Variants in SDK1 observed in about 807,000 individuals in gnomAD.
SDK1 encodes the protein sidekick cell adhesion molecule 1.
In SDK1, 157 loss-of-function variants were observed where a neutral mutation model predicts 245.5. The ratio of observed to expected loss-of-function variants is 0.64; its 90% CI spans 0.56 to 0.73. The LOEUF (loss-of-function observed/expected upper bound fraction) is 0.73. Ranked by LOEUF, SDK1 falls within the 30% of genes least tolerant of loss-of-function variation. The pLI is 0.00. For missense variants in SDK1, 3,583 were observed against 3,002.3 expected, an observed-to-expected ratio of 1.19 and a Z score of -4.52; for synonymous variants, 1,647 against 1,278.5, an observed-to-expected ratio of 1.29 and a Z score of -6.15.
chr7:4,066,460 C>G (rs1488644139), intron 19 of SDK1, among the ~76,000 whole-genome samples: 2 of 152,180 alleles, frequency 1.3e-5, no homozygotes, highest in Non-Finnish European at 2.9e-5. Context: ...TCGTAAGACG[C>G]CAGCCTCCCC....
intron 2 of SDK1, among the ~76,000 whole-genome samples, chr7:3,628,516 C>T (rs1217617436): frequency 6.6e-6 from 1 of 152,052 alleles, no homozygotes; most frequent in Non-Finnish European, 1.5e-5. Flanking sequence ...TTTGACTCTT[C>T]TTTGGGGCTA....
At chr7:3,899,307 C>T (rs1272995219) in intron 5 of SDK1, among the ~76,000 whole-genome samples, 1 of 152,214 alleles carries the variant, frequency 6.6e-6, no homozygotes, top group Admixed American at 6.5e-5. Context: ...CCTTGCCCCT[C>T]CTTGGCTTGG....
intron 20 of SDK1, among the ~76,000 whole-genome samples, chr7:4,074,886 G>GTAAA (rs1554332418): frequency 2.1e-5 from 1 of 48,124 alleles, no homozygotes. Context: ...CTCTCTCTCT[G>GTAAA]TATATATATA....
chr7:3,968,518 G>A (rs915613202), intron 10 of SDK1, among the ~76,000 whole-genome samples: 2 of 152,196 alleles, frequency 1.3e-5, no homozygotes, highest in South Asian at 2.1e-4. Flanking sequence ...GGACACTACA[G>A]ATCAATAACA....
At chr7:3,759,691 A>AG (rs1780037220) in intron 4 of SDK1, among the ~76,000 whole-genome samples, 2 of 151,842 alleles carry the variant, frequency 1.3e-5, no homozygotes, top group Admixed American at 1.3e-4. Flanking sequence ...TCCCGGGTTC[A>AG]GGCGATTCTT....
intron 4 of SDK1, among the ~76,000 whole-genome samples, chr7:3,696,496 C>T (rs1784574895): frequency 6.6e-6 from 1 of 151,978 alleles, no homozygotes; most frequent in African/African-American, 2.4e-5. Flanking sequence ...CTCATCTGAG[C>T]CCAGGATTTG....
intron 1 of SDK1, among the ~76,000 whole-genome samples, chr7:3,378,831 G>A (rs1193944109): frequency 6.6e-6 from 1 of 151,860 alleles, no homozygotes; most frequent in Non-Finnish European, 1.5e-5. Context: ...CGGCGGGGTG[G>A]GCTTCTGCTC....
rs183176957 is a variant in SDK1 at position 3,989,664 on chromosome 7, C to A, written c.2131+2342C>A. Reference sequence around the variant, plus strand: ...CTGAAACCCAGCTCCCCGTGGGTCCCTGGTGCTGCTCACTTTTCTGGGCAG... The same window carrying A: ...CTGAAACCCAGCTCCCCGTGGGTCCATGGTGCTGCTCACTTTTCTGGGCAG... On this transcript the variant is annotated intron_variant, in intron 14 of 44. Coordinates refer to ENST00000404826, the MANE Select transcript of SDK1 (RefSeq NM_152744.4). Among the ~76,000 whole-genome samples the A allele has an allele frequency of 6.9e-3, 1,058 of 152,310 alleles. 13 individuals are homozygous for A. Among genetic ancestry groups the A allele is most frequent in the African/African-American group, 0.024 (999 of 41,556 alleles).
intron 4 of SDK1, among the ~76,000 whole-genome samples, chr7:3,727,062 A>G (rs1245153535): frequency 2.0e-5 from 3 of 152,242 alleles, no homozygotes; most frequent in Admixed American, 6.5e-5. Flanking sequence ...TGCAGTCTTT[A>G]TAGGCATGAC....
At chr7:4,186,021 C>T (rs942310374) in intron 35 of SDK1, among the ~76,000 whole-genome samples, 1 of 152,176 alleles carries the variant, frequency 6.6e-6, no homozygotes, top group Non-Finnish European at 1.5e-5. Context: ...GGCTTCCTGT[C>T]CAGAGGTGCC....
chr7:3,728,585 G>C (rs1779081907), intron 4 of SDK1, among the ~76,000 whole-genome samples: 2 of 152,188 alleles, frequency 1.3e-5, no homozygotes, highest in East Asian at 3.9e-4. Flanking sequence ...TGGCCATGTA[G>C]TCATGAGTTA....
intron 5 of SDK1, among the ~76,000 whole-genome samples, chr7:3,907,811 C>G (rs971965431): frequency 1.3e-5 from 2 of 152,166 alleles, no homozygotes; most frequent in African/African-American, 4.8e-5. Context: ...ACTGCTTAGT[C>G]CTAGAACTGC....
At chr7:4,223,483 C>A (rs963775497) in intron 40 of SDK1, among the ~76,000 whole-genome samples, 3 of 152,224 alleles carry the variant, frequency 2.0e-5, no homozygotes, top group African/African-American at 7.2e-5. Flanking sequence ...TGTAACCTCT[C>A]CCCCACTTCT....
At chr7:3,987,375 T>C in intron 14 of SDK1, 53 bp downstream of exon 14, 1 of 1,581,492 alleles carries the variant, frequency 6.3e-7, no homozygotes, top group Non-Finnish European at 8.7e-7. Context: ...TTTTTGTGTG[T>C]GCTCTTAATG....
intron 13 of SDK1, among the ~76,000 whole-genome samples, chr7:3,975,476 C>G (rs1782849915): frequency 6.6e-6 from 1 of 152,282 alleles, no homozygotes; most frequent in African/African-American, 2.4e-5. Flanking sequence ...AATCATTCCC[C>G]ACAAATAGAA....
intron 1 of SDK1, among the ~76,000 whole-genome samples, chr7:3,446,170 C>G (rs1780336083): frequency 6.6e-6 from 1 of 152,084 alleles, no homozygotes; most frequent in Non-Finnish European, 1.5e-5. Flanking sequence ...TCAAGACATG[C>G]TAATAATCAT....
rs139746247 is a variant in SDK1 at position 3,490,496 on chromosome 7, A to G, written c.299-128584A>G. Among the ~76,000 whole-genome samples the G allele has an allele frequency of 2.3e-3, 346 of 152,264 alleles. 1 individual carries two copies. The highest frequency in any genetic ancestry group is 8.0e-3 in the African/African-American group (332 of 41,544). On this transcript the variant is annotated intron_variant, in intron 1 of 44. Transcript: ENST00000404826. ...CTGTGTTCTGTATATCATTTTAAAG[A>G]TTACCATTCGTTTTCTTCTGATATT...
intron 1 of SDK1, among the ~76,000 whole-genome samples, chr7:3,501,428 G>A (rs1024153948): frequency 4.6e-5 from 7 of 151,812 alleles, no homozygotes; most frequent in Non-Finnish European, 1.0e-4. Context: ...GTTAGGTTCC[G>A]AGTGACAGCC....
chr7:4,043,247 TA>T (rs1788770805), intron 17 of SDK1, among the ~76,000 whole-genome samples: 2 of 141,402 alleles, frequency 1.4e-5, no homozygotes, highest in Non-Finnish European at 1.5e-5. Context: ...GGGGCTCAGG[TA>T]GAGTGAGTGT....
Sources: gnomAD v4.1 joint callset for allele counts (sites outside exome capture counted in the v4.1 genomes callset) on GRCh38, gnomAD v4.1.1 for gene constraint, MANE v1.5 for transcripts, NCBI Gene and HGNC (gene_info 2026-07-23, HGNC 2026-07-21) for gene names.